The following NOX4 variants were observed in gnomAD, a reference collection of about 807,000 sequenced individuals.
The protein encoded by NOX4 is kidney oxidase-1.
NOX4 carries 69 observed loss-of-function variants against 87.6 expected under a neutral mutation model. The observed-to-expected ratio is 0.79, with a 90% CI of 0.65 to 0.96. NOX4 has a LOEUF of 0.96. Ranked by LOEUF, NOX4 falls within the 40% of genes least tolerant of loss-of-function variation. The pLI is 0.00. For missense variants in NOX4, 680 were observed against 681.5 expected, an observed-to-expected ratio of 1.00 and a Z score of 0.02; for synonymous variants, 275 against 238.2, an observed-to-expected ratio of 1.15 and a Z score of -1.42.
chr11:89,367,700 C>T (rs1386826725), intron 12 of NOX4, among the ~76,000 whole-genome samples: 1 of 151,976 alleles, frequency 6.6e-6, no homozygotes, highest in Non-Finnish European at 1.5e-5. Context: ...GGCAGGGTGA[C>T]CCATATAAAG....
the NOX4 span, among the ~76,000 whole-genome samples, chr11:89,540,786 T>TAAAAAAAAAAA: frequency 7.1e-4 from 31 of 43,518 alleles, 1 homozygote; most frequent in East Asian, 2.3e-3. Context: ...AGACTCCGTC[T>TAAAAAAAAAAA]AAAAAAAAAA....
At position 89,491,362 on chromosome 11, in the gene NOX4, G is replaced by T. The variant is rs976711599; in HGVS notation, c.-116C>A. 1.8e-5 allele frequency: 17 copies of T among 941,630 alleles called. No individual in the cohort carries two copies. The South Asian group carries it at 2.5e-4, about 14-fold the overall frequency. The allele number at this position is 941,630 out of a possible 1,614,324, so 58.3% of individuals were successfully genotyped here. On this transcript the variant is annotated 5_prime_UTR_variant, in exon 1 of 18. Coordinates refer to ENST00000263317, the MANE Select transcript of NOX4 (RefSeq NM_016931.5). ...CCGGGCCGCTGAGCGAGGACCGAGGGTCAAAGACTGAGTGGAAGCCCGAAG... is the reference window on the plus strand; with the variant it reads ...CCGGGCCGCTGAGCGAGGACCGAGGTTCAAAGACTGAGTGGAAGCCCGAAG...
At chr11:89,473,301 C>T (rs1013015016) in intron 2 of NOX4, among the ~76,000 whole-genome samples, 9 of 152,036 alleles carry the variant, frequency 5.9e-5, no homozygotes, top group East Asian at 1.9e-4. Context: ...TCAGCACATC[C>T]GATCACAATT....
chr11:89,432,848 G>A lies in NOX4; in HGVS notation c.484C>T (p.Leu162=), dbSNP rs770361299. ...RKLLFTTVPG[L]TGVCMVVVLF... is the part of the protein sequence containing the mutation. ...ACCACCACCATGCAGACCCCTGTCA[G>A]GCCAGGAACTATAAAAATGTATACA... Residue 162 remains leucine, a synonymous_variant, in exon 7 of 18, where the codon CTG becomes TTG. Coordinates refer to ENST00000263317, the MANE Select transcript of NOX4 (RefSeq NM_016931.5). 9 of 1,609,168 alleles carry A rather than the reference G, an allele frequency of 5.6e-6. No individual in the cohort carries two copies. In the South Asian group the frequency reaches 9.9e-5, roughly 18 times the overall value.
At chr11:89,375,071 T>C (rs1042069023) in intron 11 of NOX4, among the ~76,000 whole-genome samples, 2 of 152,166 alleles carry the variant, frequency 1.3e-5, no homozygotes, top group Non-Finnish European at 2.9e-5. Flanking sequence ...TAATAAATTA[T>C]GAACAAACTG....
chr11:89,567,377 T>C, the NOX4 span, among the ~76,000 whole-genome samples: 40 of 152,280 alleles, frequency 2.6e-4, no homozygotes, highest in African/African-American at 9.4e-4. Flanking sequence ...CCTACTACTA[T>C]GCTATGGTGT....
At chr11:89,341,458 T>C (rs994280058) in intron 14 of NOX4, among the ~76,000 whole-genome samples, 1 of 152,162 alleles carries the variant, frequency 6.6e-6, no homozygotes, top group African/African-American at 2.4e-5. Context: ...CTTTAGTCTG[T>C]TGTAAATTTG....
chr11:89,472,616 A>C (rs1487527385), intron 2 of NOX4, among the ~76,000 whole-genome samples: 1 of 152,164 alleles, frequency 6.6e-6, no homozygotes, highest in East Asian at 1.9e-4. Flanking sequence ...AAAGCTATTA[A>C]AAGTCAGAAG....
the NOX4 span, among the ~76,000 whole-genome samples, chr11:89,588,794 G>C: frequency 1.3e-5 from 2 of 152,144 alleles, no homozygotes; most frequent in African/African-American, 4.8e-5. Context: ...CTGTAGGCGT[G>C]ATTGAGAATG....
At chr11:89,553,517 A>G in the NOX4 span, among the ~76,000 whole-genome samples, 1 of 152,166 alleles carries the variant, frequency 6.6e-6, no homozygotes, top group Non-Finnish European at 1.5e-5. Flanking sequence ...ACAAACTAAT[A>G]CAAAGGCTAT....
chr11:89,514,939 G>A, the NOX4 span, among the ~76,000 whole-genome samples: 1 of 151,986 alleles, frequency 6.6e-6, no homozygotes, highest in South Asian at 2.1e-4. Flanking sequence ...TATATCAATA[G>A]CTCATTTGTT....
intron 2 of NOX4, among the ~76,000 whole-genome samples, chr11:89,464,407 A>C (rs958584583): frequency 6.6e-6 from 1 of 152,196 alleles, no homozygotes; most frequent in African/African-American, 2.4e-5. Flanking sequence ...CTCATTCAGA[A>C]GCAGTGGAGT....
chr11:89,342,216 T>A (rs781520942), intron 13 of NOX4, 23 bp from the exon 14 acceptor site: 2 of 1,586,434 alleles, frequency 1.3e-6, no homozygotes, highest in Non-Finnish European at 1.7e-6. Context: ...CAGAAAAAGG[T>A]GGGAAAAAAA....
At chr11:89,511,021 T>C in the NOX4 span, among the ~76,000 whole-genome samples, 7 of 152,074 alleles carry the variant, frequency 4.6e-5, no homozygotes, top group Admixed American at 1.3e-4. Context: ...AATTGCATTA[T>C]TTTTTCTAAA....
chr11:89,544,440 A>G, the NOX4 span, among the ~76,000 whole-genome samples: 2 of 152,168 alleles, frequency 1.3e-5, no homozygotes, highest in African/African-American at 4.8e-5. Context: ...TAAAGGCAGA[A>G]CTGAACACTG....
At chr11:89,532,274 C>T in the NOX4 span, among the ~76,000 whole-genome samples, 1 of 152,194 alleles carries the variant, frequency 6.6e-6, no homozygotes. Flanking sequence ...GTGAAAGTAG[C>T]TATGGAAGCT....
At chr11:89,415,576 G>C (rs1266566244) in intron 8 of NOX4, among the ~76,000 whole-genome samples, 1 of 152,030 alleles carries the variant, frequency 6.6e-6, no homozygotes, top group East Asian at 1.9e-4. Flanking sequence ...ATATACATAT[G>C]TGTCTCAAAA....
intron 12 of NOX4, among the ~76,000 whole-genome samples, chr11:89,366,834 C>A (rs1296613055): frequency 1.3e-5 from 2 of 151,698 alleles, no homozygotes; most frequent in East Asian, 1.9e-4. Context: ...ATTTACTAAG[C>A]AATTTTTATA....
chr11:89,375,563 C>T (rs1402930985), intron 11 of NOX4, among the ~76,000 whole-genome samples: 5 of 152,156 alleles, frequency 3.3e-5, no homozygotes, highest in African/African-American at 1.2e-4. Flanking sequence ...CCACCTCAAC[C>T]TCCCAAACTG....
Sources: allele counts gnomAD v4.1 joint callset (sites outside exome capture counted in the v4.1 genomes callset), GRCh38; gene constraint gnomAD v4.1.1; transcripts MANE v1.5; gene names NCBI Gene and HGNC (gene_info 2026-07-23, HGNC 2026-07-21).